Variants in PDZD2 observed in about 807,000 individuals in gnomAD.
PDZD2 encodes PDZ domain-containing protein 2.
Under a neutral mutation model 220.7 loss-of-function variants are expected in PDZD2, and 90 were observed. The observed-to-expected ratio is 0.41, with a 90% CI of 0.34 to 0.49. The LOEUF (loss-of-function observed/expected upper bound fraction) is 0.49. Ranked by LOEUF, PDZD2 falls within the 20% of genes least tolerant of loss-of-function variation. PDZD2 has a pLI of 0.28. For missense variants in PDZD2, 3,174 were observed against 3,608.5 expected, an observed-to-expected ratio of 0.88 and a Z score of 3.08; for synonymous variants, 1,375 against 1,450.5, an observed-to-expected ratio of 0.95 and a Z score of 1.18.
intron 1 of PDZD2, among the ~76,000 whole-genome samples, chr5:31,671,284 AGGTGACATAGAAAG>A (rs1284436442): frequency 6.6e-6 from 1 of 152,218 alleles, no homozygotes; most frequent in Admixed American, 6.5e-5. Context: ...TTTCCAGAGG[AGGTGACATAGAAAG>A]GGTAAGAGCA....
intron 14 of PDZD2, among the ~76,000 whole-genome samples, chr5:32,062,921 C>A (rs1207527446): frequency 3.3e-5 from 5 of 151,970 alleles, no homozygotes; most frequent in African/African-American, 1.2e-4. Flanking sequence ...CACGGGAGAC[C>A]AGAGGAACCA....
chr5:31,929,973 C>A (rs1026150018), intron 2 of PDZD2, among the ~76,000 whole-genome samples: 6 of 150,870 alleles, frequency 4.0e-5, no homozygotes, highest in Non-Finnish European at 7.4e-5. Context: ...TTAGTTAATG[C>A]GAGGTCAGGT....
chr5:31,849,569 C>T (rs1055009463), intron 2 of PDZD2, among the ~76,000 whole-genome samples: 3 of 151,962 alleles, frequency 2.0e-5, no homozygotes, highest in Non-Finnish European at 4.4e-5. Context: ...CCAGGCTGGG[C>T]GAGGTGGCTC....
At chr5:31,787,260 C>T (rs1272336482) in intron 1 of PDZD2, among the ~76,000 whole-genome samples, 1 of 152,160 alleles carries the variant, frequency 6.6e-6, no homozygotes, top group Admixed American at 6.5e-5. Context: ...CACATTGCCT[C>T]GTAAATGCCC....
intron 1 of PDZD2, among the ~76,000 whole-genome samples, chr5:31,779,369 ATC>A (rs988926961): frequency 7.6e-6 from 1 of 132,270 alleles, no homozygotes; most frequent in Non-Finnish European, 1.6e-5. Flanking sequence ...AAAATTGTGA[ATC>A]TCTTTTTTTT....
At chr5:31,801,572 G>A (rs1460711639) in intron 2 of PDZD2, among the ~76,000 whole-genome samples, 1 of 152,172 alleles carries the variant, frequency 6.6e-6, no homozygotes, top group African/African-American at 2.4e-5. Flanking sequence ...GAAGATCAGG[G>A]AGGGGACATC....
chr5:32,036,025 C>T (rs923219345), intron 6 of PDZD2, among the ~76,000 whole-genome samples: 6 of 151,880 alleles, frequency 4.0e-5, no homozygotes, highest in African/African-American at 1.5e-4. Context: ...CTCACTGCAA[C>T]GTCTGCCTCA....
At chr5:31,663,081 ATTCACGTCCAC>A (rs997925198) in intron 1 of PDZD2, among the ~76,000 whole-genome samples, 1 of 152,232 alleles carries the variant, frequency 6.6e-6, no homozygotes, top group African/African-American at 2.4e-5. Context: ...CTAAAGATCC[ATTCACGTCCAC>A]AATGCCTTGG....
At chr5:32,075,579 T>C (rs1265605367) in intron 18 of PDZD2, among the ~76,000 whole-genome samples, 4 of 152,246 alleles carry the variant, frequency 2.6e-5, no homozygotes, top group African/African-American at 9.6e-5. Flanking sequence ...TTAATATTGG[T>C]TATGTTACTA....
At chr5:31,758,613 C>T (rs984151162) in intron 1 of PDZD2, among the ~76,000 whole-genome samples, 7 of 152,184 alleles carry the variant, frequency 4.6e-5, no homozygotes, top group African/African-American at 1.7e-4. Flanking sequence ...AACCCTTAAT[C>T]ATGCATTACC....
At chr5:32,002,962 A>AC (rs1230542752) in intron 5 of PDZD2, among the ~76,000 whole-genome samples, 54 of 102,780 alleles carry the variant, frequency 5.3e-4, no homozygotes, top group African/African-American at 1.9e-3. Context: ...CACCACACAC[A>AC]CACCAACACA....
At chr5:31,709,108 G>C (rs1027877883) in intron 1 of PDZD2, among the ~76,000 whole-genome samples, 2 of 152,016 alleles carry the variant, frequency 1.3e-5, no homozygotes, top group Non-Finnish European at 2.9e-5. Flanking sequence ...GGCTGGTTTC[G>C]AACTGCTGTC....
chr5:31,763,239 G>T (rs1751760818), intron 1 of PDZD2, among the ~76,000 whole-genome samples: 1 of 152,124 alleles, frequency 6.6e-6, no homozygotes, highest in South Asian at 2.1e-4. Flanking sequence ...TGCCCACAGA[G>T]CACCTCCCTG....
chr5:32,077,314 TTAAA>T, intron 18 of PDZD2, 144 bp from the exon 19 acceptor site: 1 of 727,986 alleles, frequency 1.4e-6, no homozygotes, highest in South Asian at 1.7e-5. Flanking sequence ...CTAGCAGACC[TTAAA>T]CCCACAATCT....
chr5:31,880,945 G>T (rs1739836807), intron 2 of PDZD2, among the ~76,000 whole-genome samples: 2 of 151,654 alleles, frequency 1.3e-5, no homozygotes, highest in African/African-American at 4.8e-5. Flanking sequence ...GGGATTACAG[G>T]CGCCTACCAC....
intron 1 of PDZD2, among the ~76,000 whole-genome samples, chr5:31,699,303 A>G (rs1057322244): frequency 5.9e-5 from 9 of 152,192 alleles, no homozygotes; most frequent in African/African-American, 2.2e-4. Context: ...ATGGCTTCCC[A>G]GAGGAAGGAA....
chr5:32,048,257 A>G (rs1411351086), intron 7 of PDZD2, among the ~76,000 whole-genome samples: 1 of 152,238 alleles, frequency 6.6e-6, no homozygotes, highest in Non-Finnish European at 1.5e-5. Flanking sequence ...CACCAGAGCT[A>G]CATCTTATTG....
chr5:31,644,280 G>A (rs1226276705), intron 1 of PDZD2, among the ~76,000 whole-genome samples: 1 of 152,084 alleles, frequency 6.6e-6, no homozygotes, highest in East Asian at 1.9e-4. Flanking sequence ...TGACAATCTT[G>A]ATCTCCTATT....
At chr5:31,865,874 G>A (rs1171946601) in intron 2 of PDZD2, among the ~76,000 whole-genome samples, 1 of 150,082 alleles carries the variant, frequency 6.7e-6, no homozygotes, top group Admixed American at 6.6e-5. Flanking sequence ...CTCGTGATCT[G>A]CCCGCCTCGC....
Sources: allele counts gnomAD v4.1 joint callset (sites outside exome capture counted in the v4.1 genomes callset), GRCh38; gene constraint gnomAD v4.1.1; transcripts MANE v1.5; gene names NCBI Gene and HGNC (gene_info 2026-07-23, HGNC 2026-07-21).